The following GBP6 variants were observed in gnomAD, a reference collection of about 807,000 sequenced individuals.
GBP6 encodes the protein guanylate-binding protein 6.
GBP6 carries 54 observed loss-of-function variants against 61.5 expected under a neutral mutation model. The observed-to-expected ratio is 0.88, with a 90% CI of 0.71 to 1.10. The LOEUF (loss-of-function observed/expected upper bound fraction) is 1.10. GBP6 is among the 50% of genes least tolerant of loss of function. GBP6 has a pLI of 0.00. For missense variants in GBP6, 748 were observed against 752.8 expected (o/e 0.99, Z 0.07); for synonymous variants, 255 against 273.7 (o/e 0.93, Z 0.67).
intron 8 of GBP6, 90 bp from the exon 9 acceptor site, chr1:89,383,562 A>G: frequency 2.1e-6 from 2 of 974,342 alleles, no homozygotes; most frequent in Non-Finnish European, 3.2e-6. Context: ...GCATAAAGCA[A>G]AAGTTACAAG....
chr1:89,382,303 C>T (rs1653001712), intron 7 of GBP6, among the ~76,000 whole-genome samples: 1 of 152,144 alleles, frequency 6.6e-6, no homozygotes, highest in Non-Finnish European at 1.5e-5. Context: ...ATTCTCTTAC[C>T]AGATCGTAAT....
rs1274786866 is a variant in GBP6, at chr1:89,381,610, G to A, written c.872-84G>A. ...TGTGTGCACGCGCGTGTATGTAAGT[G>A]CATGTGTGTGCTCAGAAATGTAGCC... On this transcript the variant is annotated intron_variant, in intron 6 of 10. Transcript: ENST00000370456. The A allele has an allele frequency of 2.9e-6, 4 of 1,379,586 alleles. No individual in the cohort carries two copies. The East Asian group carries it at 9.2e-5, about 32-fold the overall frequency. The allele number at this position is 1,379,586 out of a possible 1,614,324, so 85.5% of individuals were successfully genotyped here. A position where few individuals can be genotyped will look rare whatever the true frequency, so the allele number is the denominator to read the frequency against.
At chr1:89,382,994 A>G (rs1184417325) in intron 8 of GBP6, 118 bp downstream of exon 8, 1 of 611,538 alleles carries the variant, frequency 1.6e-6, no homozygotes, top group African/African-American at 1.8e-5. Flanking sequence ...TTCAATGTCC[A>G]CTAATTAATA....
Position 89,385,478 on chromosome 1 carries a change from T to C in GBP6, c.*9T>C, listed in dbSNP as rs1461530915. On this transcript the variant is annotated 3_prime_UTR_variant, in exon 11 of 11. Transcript: ENST00000370456. The stretch of plus-strand genomic sequence containing the variant: ...ATAAGCTCCCCTTTTAAGGATATTA[T>C]AGATTGTACATATATGCTTTGGACT... 28 of 1,612,338 alleles carry C rather than the reference T, an allele frequency of 1.7e-5. No individual in the cohort carries two copies. The highest frequency in any genetic ancestry group is 2.1e-5 in the Non-Finnish European group (25 of 1,179,122).
At chr1:89,381,306 T>G (rs1216168667) in intron 6 of GBP6, among the ~76,000 whole-genome samples, 1 of 131,480 alleles carries the variant, frequency 7.6e-6, no homozygotes, top group Non-Finnish European at 1.6e-5. Context: ...AATAAATAAA[T>G]ATTAGCCCAT....
intron 3 of GBP6, among the ~76,000 whole-genome samples, chr1:89,375,109 C>T (rs763895443): frequency 6.6e-5 from 10 of 152,248 alleles, no homozygotes; most frequent in East Asian, 3.9e-4. Context: ...TTTTGTTCTT[C>T]TTTACAGCTG....
intron 3 of GBP6, among the ~76,000 whole-genome samples, chr1:89,371,291 T>C (rs985426414): frequency 6.6e-6 from 1 of 152,072 alleles, no homozygotes; most frequent in South Asian, 2.1e-4. Flanking sequence ...AAAGATGGAA[T>C]CCTCCCTAAC....
rs1653078258 is a variant in GBP6, at chr1:89,384,396, TGCTTGGCAATCACTAAAA to T, written c.1662+113_1662+130del. The T allele has an allele frequency of 1.5e-5, 12 of 813,998 alleles. 1 individual carries two copies. The South Asian group carries it at 2.3e-4, about 16-fold the overall frequency. The allele number at this position is 813,998 out of a possible 1,614,324, so 50.4% of individuals were successfully genotyped here. On this transcript the variant is annotated intron_variant, in intron 10 of 10. Coordinates refer to ENST00000370456, the MANE Select transcript of GBP6 (RefSeq NM_198460.3). ...TGAAAGGAAGCACATCACCATTTGC[TGCTTGGCAATCACTAAAA>T]GCCCTGAATCCTTTTTTTCTTAATT...
At chr1:89,364,838 T>G (rs1652420482) in intron 1 of GBP6, among the ~76,000 whole-genome samples, 1 of 151,772 alleles carries the variant, frequency 6.6e-6, no homozygotes, top group Non-Finnish European at 1.5e-5. Context: ...TAAAAAAGAT[T>G]TTTTTAAAAA....
intron 1 of GBP6, among the ~76,000 whole-genome samples, chr1:89,365,780 A>C (rs549217413): frequency 6.6e-6 from 1 of 152,222 alleles, no homozygotes; most frequent in African/African-American, 2.4e-5. Flanking sequence ...ACAGACCCCT[A>C]TAATTAACAG....
At position 89,376,953 on chromosome 1, in the gene GBP6, C is replaced by A. The variant is rs542997140; in HGVS notation, c.319-1150C>A. ...AGTTTATTGTTTGTCACGAGTCCCA[C>A]TTCTAAGAAGAATCCTCATTGATTA... is the stretch of plus-strand genomic sequence containing the variant. On this transcript the variant is annotated intron_variant, in intron 3 of 10. Coordinates refer to ENST00000370456, the MANE Select transcript of GBP6 (RefSeq NM_198460.3). Among the ~76,000 whole-genome samples the A allele has an allele frequency of 7.2e-5, 11 of 152,206 alleles. No homozygotes were observed. The East Asian group carries it at 2.1e-3, about 29-fold the overall frequency.
chr1:89,385,003 T>G (rs2100676757), intron 10 of GBP6, among the ~76,000 whole-genome samples: 1 of 152,356 alleles, frequency 6.6e-6, no homozygotes, highest in East Asian at 1.9e-4. Context: ...GTAGAATTTG[T>G]CCTCATACCT....
At chr1:89,379,792 C>G (rs192839854) in intron 5 of GBP6, among the ~76,000 whole-genome samples, 1 of 152,198 alleles carries the variant, frequency 6.6e-6, no homozygotes, top group Non-Finnish European at 1.5e-5. Flanking sequence ...GCAATACTGT[C>G]AAATCGAATA....
chr1:89,382,081 T>C (rs1652997043), intron 7 of GBP6, 107 bp downstream of exon 7: 4 of 1,127,652 alleles, frequency 3.5e-6, no homozygotes, highest in South Asian at 1.6e-5. Context: ...GAATAACTTA[T>C]TGTGGATTCT....
intron 2 of GBP6, 49 bp from the exon 3 acceptor site, chr1:89,369,497 C>CT: frequency 6.3e-7 from 1 of 1,585,916 alleles, no homozygotes. Flanking sequence ...CCCAGGGCGG[C>CT]TTGGCTGCTC....
At chr1:89,376,375 G>C (rs1429838767) in intron 3 of GBP6, among the ~76,000 whole-genome samples, 1 of 152,090 alleles carries the variant, frequency 6.6e-6, no homozygotes. Flanking sequence ...TCCATTTTCA[G>C]TTGTTTTTGT....
At chr1:89,379,351 G>C (rs1014273853) in intron 5 of GBP6, among the ~76,000 whole-genome samples, 8 of 136,030 alleles carry the variant, frequency 5.9e-5, no homozygotes, top group Non-Finnish European at 9.7e-5. Flanking sequence ...AACATTGGGG[G>C]GGGGGGGTCA....
chr1:89,383,598 T>C, intron 8 of GBP6, 54 bp from the exon 9 acceptor site: 1 of 1,260,076 alleles, frequency 7.9e-7, no homozygotes, highest in Non-Finnish European at 1.1e-6. Flanking sequence ...GCAACACTAA[T>C]ACCCAGAACA....
At chr1:89,383,036 A>C (rs950913959) in intron 8 of GBP6, among the ~76,000 whole-genome samples, 160 bp downstream of exon 8, 1 of 152,204 alleles carries the variant, frequency 6.6e-6, no homozygotes. Flanking sequence ...TTTTATTCCA[A>C]AACAAAGAGT....
Sources: allele counts gnomAD v4.1 joint callset (sites outside exome capture counted in the v4.1 genomes callset), GRCh38; gene constraint gnomAD v4.1.1; transcripts MANE v1.5; gene names NCBI Gene and HGNC (gene_info 2026-07-23, HGNC 2026-07-21).